Variants in QDPR observed in about 807,000 individuals in gnomAD.
QDPR encodes the protein dihydropteridine reductase.
Under a neutral mutation model 31.7 loss-of-function variants are expected in QDPR, and 23 were observed. The observed-to-expected ratio is 0.73, with a 90% CI of 0.52 to 1.03. The LOEUF (loss-of-function observed/expected upper bound fraction) is 1.03, where lower values mean the gene tolerates loss of function less well. QDPR is among the 50% of genes least tolerant of loss of function. QDPR has a pLI of 0.00. For missense variants in QDPR, 324 were observed against 323.8 expected (o/e 1.00, Z 0.00); for synonymous variants, 124 against 124.7 (o/e 0.99, Z 0.03).
At chr4:17,495,801 G>C (rs1395905298) in intron 4 of QDPR, among the ~76,000 whole-genome samples, 1 of 151,890 alleles carries the variant, frequency 6.6e-6, no homozygotes, top group Non-Finnish European at 1.5e-5. Flanking sequence ...TTGAGCCCAG[G>C]AGTTTGAAAC....
intron 4 of QDPR, among the ~76,000 whole-genome samples, chr4:17,500,826 C>A (rs1387508140): frequency 6.6e-6 from 1 of 152,192 alleles, no homozygotes; most frequent in East Asian, 1.9e-4. Flanking sequence ...AAGTCTGCAA[C>A]TTACTTCCTG....
At chr4:17,496,828 C>T (rs1718378760) in intron 4 of QDPR, among the ~76,000 whole-genome samples, 1 of 152,026 alleles carries the variant, frequency 6.6e-6, no homozygotes, top group African/African-American at 2.4e-5. Context: ...GCAATCTCGG[C>T]TCACTGCAAC....
At chr4:17,488,106 A>T (rs1037986993) in intron 6 of QDPR, among the ~76,000 whole-genome samples, 1 of 152,046 alleles carries the variant, frequency 6.6e-6, no homozygotes, top group South Asian at 2.1e-4. Flanking sequence ...CTCTAAAAAA[A>T]TACAAAAAAT....
intron 6 of QDPR, among the ~76,000 whole-genome samples, chr4:17,488,945 T>C (rs1439284035): frequency 6.6e-6 from 1 of 152,226 alleles, no homozygotes; most frequent in African/African-American, 2.4e-5. Context: ...AAGAGACCAG[T>C]GCCGTTTGGT....
chr4:17,508,894 C>T (rs1274290096), intron 2 of QDPR, among the ~76,000 whole-genome samples: 1 of 152,160 alleles, frequency 6.6e-6, no homozygotes, highest in African/African-American at 2.4e-5. Flanking sequence ...CGCGGTGGCT[C>T]ATGCCTGTAA....
intron 4 of QDPR, among the ~76,000 whole-genome samples, chr4:17,495,001 G>A (rs1436424141): frequency 1.3e-5 from 2 of 152,148 alleles, no homozygotes; most frequent in African/African-American, 4.8e-5. Context: ...GGTGTAGGAG[G>A]GGCTTTGCTC....
At chr4:17,506,815 T>C (rs1718802867) in intron 2 of QDPR, among the ~76,000 whole-genome samples, 1 of 152,100 alleles carries the variant, frequency 6.6e-6, no homozygotes, top group Non-Finnish European at 1.5e-5. Context: ...ACAACAAAAA[T>C]GAAGTGCTAA....
intron 4 of QDPR, among the ~76,000 whole-genome samples, chr4:17,498,531 C>T (rs764161317): frequency 6.6e-6 from 1 of 152,074 alleles, no homozygotes; most frequent in African/African-American, 2.4e-5. Flanking sequence ...AAATAGCAAC[C>T]GTAATGGCTT....
At chr4:17,501,604 G>T in intron 4 of QDPR, 115 bp downstream of exon 4, 1 of 1,249,796 alleles carries the variant, frequency 8.0e-7, no homozygotes, top group Non-Finnish European at 1.1e-6. Flanking sequence ...CCATCTATCT[G>T]TTAAGCAGCT....
chr4:17,500,031 T>C (rs1718505608), intron 4 of QDPR, among the ~76,000 whole-genome samples: 1 of 151,988 alleles, frequency 6.6e-6, no homozygotes, highest in Non-Finnish European at 1.5e-5. Context: ...TTGCCCAGGC[T>C]GGAGTGCAGT....
chr4:17,489,923 T>A (rs1269741312), intron 6 of QDPR: 1 of 156,570 alleles, frequency 6.4e-6, no homozygotes, highest in Non-Finnish European at 1.4e-5. Flanking sequence ...TCGGCACCCC[T>A]GCTCCCTGTG....
chr4:17,487,126 G>A lies in QDPR; in HGVS notation c.*5C>T, dbSNP rs1717987224. The A allele has an allele frequency of 1.9e-6, 3 of 1,611,454 alleles. No individual in the cohort carries two copies. Among genetic ancestry groups the A allele is most frequent in the Admixed American group, 1.7e-5 (1 of 60,008 alleles). ...GCAGGCCCCTCATAGGCACTGAGAT[G>A]AGGCCTAAAAATATGCTGGGGTGAG... On this transcript the variant is annotated 3_prime_UTR_variant, in exon 7 of 7. Coordinates refer to ENST00000281243, the MANE Select transcript of QDPR (RefSeq NM_000320.3).
chr4:17,499,889 G>C (rs1445270621), intron 4 of QDPR, among the ~76,000 whole-genome samples: 1 of 152,088 alleles, frequency 6.6e-6, no homozygotes, highest in Non-Finnish European at 1.5e-5. Context: ...CTACATTCCA[G>C]CCTGGGTGAG....
At chr4:17,511,818 C>T in intron 1 of QDPR, 132 bp downstream of exon 1, 1 of 855,604 alleles carries the variant, frequency 1.2e-6, no homozygotes, top group Non-Finnish European at 1.8e-6. Flanking sequence ...CCTGTGCGCG[C>T]ACGTGCAAGC....
intron 4 of QDPR, among the ~76,000 whole-genome samples, chr4:17,498,597 GA>G (rs558854952): frequency 0.011 from 1,691 of 151,846 alleles, 21 homozygotes; most frequent in Non-Finnish European, 0.018. Context: ...TGCAAGATAT[GA>G]AAAAAAAGAC....
chr4:17,497,320 C>G (rs1350392460), intron 4 of QDPR, among the ~76,000 whole-genome samples: 3 of 152,032 alleles, frequency 2.0e-5, no homozygotes, highest in Non-Finnish European at 4.4e-5. Context: ...AGTGCCTTGT[C>G]TTTTCCCATA....
rs1173426113 is a variant in QDPR at position 17,490,756 on chromosome 4, C to A, written c.546-11G>T. On this transcript the variant is annotated splice_polypyrimidine_tract_variant and intron_variant, in intron 5 of 6. Transcript: ENST00000281243. ...GTATCCAGGGTAACCCTGCAATGGA[C>A]ACAGATAAGCACGTCATTCATGTCG... 2 of 1,605,516 alleles carry A rather than the reference C, an allele frequency of 1.2e-6. No homozygotes were observed. The highest frequency in any genetic ancestry group is 1.1e-5 in the South Asian group (1 of 90,688).
At chr4:17,488,260 CAA>C (rs747780691) in intron 6 of QDPR, among the ~76,000 whole-genome samples, 8 of 125,200 alleles carry the variant, frequency 6.4e-5, no homozygotes, top group Non-Finnish European at 1.2e-4. Flanking sequence ...GACCCTGTCT[CAA>C]AAAAAAAAAA....
Position 17,487,027 on chromosome 4 carries a change from C to A in QDPR, c.*104G>T. 1 of 879,400 alleles carries A rather than the reference C, an allele frequency of 1.1e-6. No homozygotes were observed. Among genetic ancestry groups the A allele is most frequent in the African/African-American group, 1.6e-5 (1 of 60,886 alleles). The allele number at this position is 879,400 out of a possible 1,614,324, so 54.5% of individuals were successfully genotyped here. Reference sequence around the variant, plus strand: ...GAGAGAAAAATAGGACTCATTATCTCGTACCACAAACAGGGGTTACAGAAA... The same window carrying A: ...GAGAGAAAAATAGGACTCATTATCTAGTACCACAAACAGGGGTTACAGAAA... On this transcript the variant is annotated 3_prime_UTR_variant, in exon 7 of 7. Transcript: ENST00000281243.
Sources: gnomAD v4.1 joint callset for allele counts (sites outside exome capture counted in the v4.1 genomes callset) on GRCh38, gnomAD v4.1.1 for gene constraint, MANE v1.5 for transcripts, NCBI Gene and HGNC (gene_info 2026-07-23, HGNC 2026-07-21) for gene names.